SH3GL2: variants seen among roughly 807,000 people sequenced by gnomAD.
SH3GL2 encodes the protein SH3 domain containing GRB2 like 2, endophilin A1.
SH3GL2 carries 24 observed loss-of-function variants against 46.0 expected under a neutral mutation model. The ratio of observed to expected loss-of-function variants is 0.52; its 90% confidence interval spans 0.38 to 0.73. The LOEUF (loss-of-function observed/expected upper bound fraction) is 0.73, where lower values mean the gene tolerates loss of function less well. SH3GL2 is among the 30% of genes least tolerant of loss of function. SH3GL2 has a pLI of 0.00. For synonymous variants in SH3GL2, 196 were observed against 147.1 expected (o/e 1.33, Z -2.40); for missense variants, 413 against 424.2 (o/e 0.97, Z 0.23).
chr9:17,668,851 T>C (rs984971913), intron 1 of SH3GL2, among the ~76,000 whole-genome samples: 5 of 151,974 alleles, frequency 3.3e-5, no homozygotes, highest in African/African-American at 4.8e-5. Context: ...AGAGATGAGG[T>C]TTTGCTATGT....
At chr9:17,768,377 A>G (rs1270539862) in intron 3 of SH3GL2, among the ~76,000 whole-genome samples, 2 of 151,646 alleles carry the variant, frequency 1.3e-5, no homozygotes, top group Non-Finnish European at 2.9e-5. Flanking sequence ...TCTCAAAAAA[A>G]AAAAAAAAAA....
At chr9:17,645,668 A>C (rs532374469) in intron 1 of SH3GL2, among the ~76,000 whole-genome samples, 1 of 152,232 alleles carries the variant, frequency 6.6e-6, no homozygotes, top group Non-Finnish European at 1.5e-5. Flanking sequence ...TGGGTTGAAA[A>C]TTCTTGTCTT....
intron 1 of SH3GL2, among the ~76,000 whole-genome samples, chr9:17,667,045 T>A (rs182048699): frequency 6.6e-6 from 1 of 152,298 alleles, no homozygotes; most frequent in Admixed American, 6.5e-5. Context: ...AATTTTTAGA[T>A]CTTCATTTGT....
Position 17,579,213 on chromosome 9 carries a change from A to C in SH3GL2, c.-30A>C, listed in dbSNP as rs1383785780. On this transcript the variant is annotated 5_prime_UTR_variant, in exon 1 of 9. Coordinates refer to ENST00000380607, the MANE Select transcript of SH3GL2 (RefSeq NM_003026.5). Reference sequence around the variant, plus strand: ...TCCCCCTCCGCCTCCTCCCTCCCGCACAGCAGCCGCCAGCGCGGCCTCCTG... The same window carrying C: ...TCCCCCTCCGCCTCCTCCCTCCCGCCCAGCAGCCGCCAGCGCGGCCTCCTG... The C allele has an allele frequency of 6.6e-7, 1 of 1,525,342 alleles. No homozygotes were observed. The highest frequency in any genetic ancestry group is 8.8e-7 in the Non-Finnish European group (1 of 1,135,594). 94.5% of individuals were successfully genotyped at this position (1,525,342 alleles called of 1,614,324 possible).
chr9:17,643,027 A>T (rs1819722892), intron 1 of SH3GL2, among the ~76,000 whole-genome samples: 1 of 152,162 alleles, frequency 6.6e-6, no homozygotes, highest in African/African-American at 2.4e-5. Context: ...CGAGCATGGA[A>T]TGTTTTTCCA....
At chr9:17,623,178 A>C (rs1053977295) in intron 1 of SH3GL2, among the ~76,000 whole-genome samples, 27 of 149,720 alleles carry the variant, frequency 1.8e-4, no homozygotes, top group Non-Finnish European at 2.9e-5. Context: ...TTGTCCTTCC[A>C]TCGGAGTGGG....
intron 1 of SH3GL2, among the ~76,000 whole-genome samples, chr9:17,646,809 G>A (rs1018374361): frequency 2.6e-5 from 4 of 152,168 alleles, no homozygotes; most frequent in Non-Finnish European, 5.9e-5. Flanking sequence ...GATGTCTGTC[G>A]ACCCCTGCTG....
chr9:17,591,686 G>A (rs1330676583), intron 1 of SH3GL2, among the ~76,000 whole-genome samples: 1 of 152,090 alleles, frequency 6.6e-6, no homozygotes, highest in Non-Finnish European at 1.5e-5. Context: ...TCCTTTTCGG[G>A]TCTCAAAGTT....
At chr9:17,618,983 CAT>C (rs1563784543) in intron 1 of SH3GL2, among the ~76,000 whole-genome samples, 1 of 152,062 alleles carries the variant, frequency 6.6e-6, no homozygotes, top group Non-Finnish European at 1.5e-5. Context: ...CCAAAAATGA[CAT>C]AAGATCATTT....
intron 1 of SH3GL2, among the ~76,000 whole-genome samples, chr9:17,638,159 A>AAC (rs1016158957): frequency 1.1e-4 from 17 of 151,868 alleles, no homozygotes; most frequent in Non-Finnish European, 2.5e-4. Flanking sequence ...TCCCTCTCAA[A>AAC]AAAAAAACAA....
chr9:17,680,072 A>C (rs1002369504), intron 1 of SH3GL2, among the ~76,000 whole-genome samples: 14 of 152,042 alleles, frequency 9.2e-5, no homozygotes, highest in Admixed American at 9.2e-4. Flanking sequence ...TTCATCAGGG[A>C]TATTGGTCTA....
chr9:17,785,955 TC>T (rs1823944201), intron 3 of SH3GL2, among the ~76,000 whole-genome samples: 1 of 152,164 alleles, frequency 6.6e-6, no homozygotes, highest in Non-Finnish European at 1.5e-5. Context: ...CTTATTTTAA[TC>T]CTTAGACTCC....
intron 1 of SH3GL2, among the ~76,000 whole-genome samples, chr9:17,709,965 G>A (rs1454267374): frequency 1.3e-5 from 2 of 151,874 alleles, no homozygotes; most frequent in African/African-American, 4.8e-5. Flanking sequence ...TACCCCTAGA[G>A]GCCCTATAAG....
At chr9:17,718,357 G>T (rs1362077183) in intron 1 of SH3GL2, among the ~76,000 whole-genome samples, 1 of 152,118 alleles carries the variant, frequency 6.6e-6, no homozygotes, top group African/African-American at 2.4e-5. Flanking sequence ...GGTGTGGCAT[G>T]GTGCTGAAGT....
intron 1 of SH3GL2, among the ~76,000 whole-genome samples, chr9:17,612,215 A>G (rs1338526940): frequency 1.3e-5 from 2 of 152,196 alleles, no homozygotes; most frequent in Non-Finnish European, 2.9e-5. Context: ...AACAGAAGGC[A>G]CAGAGGAACA....
chr9:17,789,415 T>G lies in SH3GL2; in HGVS notation c.489T>G (p.Gly163=). The change falls in exon 6 of 9, where the codon GGT becomes GGG. Residue 163 remains glycine (G), a synonymous_variant. Transcript: ENST00000380607. The part of the protein sequence containing the change: ...EIQHHLKKLE[G]RRLDFDYKKK... ...AGCATCATCTAAAGAAGTTGGAGGG[T>G]CGACGCCTGGATTTTGATTATAAGA... 6.2e-7 allele frequency: 1 copy of G among 1,613,272 alleles called. No homozygotes were observed. Among genetic ancestry groups the G allele is most frequent in the Non-Finnish European group, 8.5e-7 (1 of 1,179,506 alleles).
chr9:17,604,297 C>T lies in SH3GL2; in HGVS notation c.45+25010C>T, dbSNP rs968064936. On this transcript the variant is annotated intron_variant, in intron 1 of 8. Coordinates refer to ENST00000380607, the MANE Select transcript of SH3GL2 (RefSeq NM_003026.5). The stretch of plus-strand genomic sequence containing the variant: ...CTGCTGCTTACTCGCCAAGTCCACA[C>T]AGACCGTTAACTTTTCTAAACCTGT... Among the ~76,000 whole-genome samples, 2 of 152,358 alleles carry T rather than the reference C, an allele frequency of 1.3e-5. 1 individual carries two copies. Among genetic ancestry groups the T allele is most frequent in the East Asian group, 3.9e-4 (2 of 5,178 alleles).
At chr9:17,651,158 C>A (rs1176264615) in intron 1 of SH3GL2, among the ~76,000 whole-genome samples, 5 of 152,030 alleles carry the variant, frequency 3.3e-5, no homozygotes, top group Non-Finnish European at 7.4e-5. Context: ...GGTAAACTTT[C>A]AGCTTTTGCT....
At chr9:17,596,975 A>C (rs1295159193) in intron 1 of SH3GL2, among the ~76,000 whole-genome samples, 3 of 152,194 alleles carry the variant, frequency 2.0e-5, no homozygotes, top group African/African-American at 7.2e-5. Context: ...TTCAATGGCA[A>C]GTGCTTCGAC....
Sources: gnomAD v4.1 joint callset for allele counts (sites outside exome capture counted in the v4.1 genomes callset) on GRCh38, gnomAD v4.1.1 for gene constraint, MANE v1.5 for transcripts, NCBI Gene and HGNC (gene_info 2026-07-23, HGNC 2026-07-21) for gene names.